The following CYP3A7 variants were observed in gnomAD, a reference collection of about 807,000 sequenced individuals.
CYP3A7 encodes the protein cytochrome P450 family 3 subfamily A member 7, also known as cytochrome P450 3A7.
A neutral mutation model predicts 55.2 loss-of-function variants in CYP3A7; 45 were observed. The observed-to-expected ratio is 0.82, with a 90% confidence interval of 0.64 to 1.05. CYP3A7 has a LOEUF of 1.05. Among genes scored for constraint, CYP3A7 ranks in the 50% least tolerant of loss-of-function variants. The pLI, the probability that CYP3A7 is intolerant of heterozygous loss-of-function variation, is 0.00. For missense variants in CYP3A7, 548 were observed against 605.3 expected (o/e 0.91, Z 0.99); for synonymous variants, 180 against 207.4 (o/e 0.87, Z 1.13).
intron 3 of CYP3A7, among the ~76,000 whole-genome samples, chr7:99,721,715 A>T (rs1814204473): frequency 6.6e-6 from 1 of 151,964 alleles, no homozygotes; most frequent in Admixed American, 6.6e-5. Flanking sequence ...AGCGAGTGTG[A>T]ACATTGTGAG....
intron 2 of CYP3A7, among the ~76,000 whole-genome samples, chr7:99,723,194 C>T (rs757622600): frequency 1.3e-5 from 2 of 152,128 alleles, no homozygotes; most frequent in Non-Finnish European, 2.9e-5. Context: ...TCCAGATGGC[C>T]TGAGGCAACC....
intron 9 of CYP3A7, among the ~76,000 whole-genome samples, chr7:99,712,316 T>A (rs957716054): frequency 1.3e-5 from 2 of 152,212 alleles, no homozygotes; most frequent in Non-Finnish European, 2.9e-5. Context: ...TATCTAATAA[T>A]TGTATTCTGT....
rs557055106 is a variant in CYP3A7 at position 99,726,936 on chromosome 7, C to G, written c.165+4123G>C. On this transcript the variant is annotated intron_variant, in intron 2 of 12. Transcript: ENST00000336374. ...CTGGCTGATCTCTGAAACCCCAACC[C>G]CTTCTACAAAACAACTCCTTTCCTT... Among the ~76,000 whole-genome samples, 3 of 152,328 alleles carry G rather than the reference C, an allele frequency of 2.0e-5. No homozygotes were observed. The East Asian group carries it at 5.8e-4, about 29-fold the overall frequency.
chr7:99,733,790 A>T (rs913475732), intron 1 of CYP3A7, among the ~76,000 whole-genome samples: 1 of 152,248 alleles, frequency 6.6e-6, no homozygotes, highest in Admixed American at 6.5e-5. Flanking sequence ...TTTTGCTATC[A>T]TCACTGGCTC....
At chr7:99,717,776 AT>A in intron 4 of CYP3A7, 137 bp from the exon 5 acceptor site, 1 of 1,135,658 alleles carries the variant, frequency 8.8e-7, no homozygotes, top group Non-Finnish European at 1.3e-6. Flanking sequence ...CCTATGACAG[AT>A]GCTCAATAGG....
At chr7:99,722,407 C>A (rs1814240767) in intron 2 of CYP3A7, 59 bp from the exon 3 acceptor site, 1 of 1,593,114 alleles carries the variant, frequency 6.3e-7, no homozygotes, top group Non-Finnish European at 8.6e-7. Context: ...AACCCTGCCT[C>A]TAATTGGGGT....
In CYP3A7 at chr7:99,734,995, GAGAAGAGGAGCC is replaced by G. The variant is rs1448848683; in HGVS notation, c.71+16_71+27del. The G allele has an allele frequency of 6.2e-7, 1 of 1,613,788 alleles. No homozygotes were observed. The highest frequency in any genetic ancestry group is 8.5e-7 in the Non-Finnish European group (1 of 1,179,898). ...TTAGCACCCCAAGTCCAAGGAAACA[GAGAAGAGGAGCC>G]TGAACAGTTACTCACAGATAGAGGA... On this transcript the variant is annotated intron_variant, in intron 1 of 12. Coordinates refer to ENST00000336374, the MANE Select transcript of CYP3A7 (RefSeq NM_000765.5).
chr7:99,732,555 C>A (rs1814668821), intron 1 of CYP3A7, among the ~76,000 whole-genome samples: 1 of 152,148 alleles, frequency 6.6e-6, no homozygotes. Flanking sequence ...CTGCTTGCAA[C>A]CCATCTTTGA....
chr7:99,724,561 C>A (rs1216223116), intron 2 of CYP3A7, among the ~76,000 whole-genome samples: 1 of 151,962 alleles, frequency 6.6e-6, no homozygotes, highest in African/African-American at 2.4e-5. Flanking sequence ...CTCTCCCCTC[C>A]CCACCAGGCT....
chr7:99,720,016 CAAACAA>C (rs375499400), intron 4 of CYP3A7, among the ~76,000 whole-genome samples: 21 of 152,144 alleles, frequency 1.4e-4, no homozygotes, highest in African/African-American at 5.1e-4. Context: ...CAACAAACAA[CAAACAA>C]AAACAAAAAC....
At chr7:99,714,503 CT>C in intron 8 of CYP3A7, 51 bp downstream of exon 8, 1 of 1,605,058 alleles carries the variant, frequency 6.2e-7, no homozygotes, top group Admixed American at 1.7e-5. Flanking sequence ...ATGTATATTT[CT>C]AAAAAATTAT....
chr7:99,712,771 G>A (rs535867635), intron 9 of CYP3A7, among the ~76,000 whole-genome samples: 1 of 152,268 alleles, frequency 6.6e-6, no homozygotes, highest in African/African-American at 2.4e-5. Context: ...GGAATTTTGT[G>A]ACATGATTGC....
chr7:99,709,364 T>G, intron 10 of CYP3A7, 103 bp from the exon 11 acceptor site: 1 of 1,497,646 alleles, frequency 6.7e-7, no homozygotes, highest in Non-Finnish European at 9.1e-7. Flanking sequence ...AGAGAACAAC[T>G]CATACTGGCA....
At position 99,709,024 on chromosome 7, in the gene CYP3A7, G is replaced by C. The variant is rs1275601055; in HGVS notation, c.1253+11C>G. ...GGTTCAGGGAGGGCTCCCTTCCCAG[G>C]GGCCTCCTACCTTTCAGGGAGGAAC... is the stretch of plus-strand genomic sequence containing the variant. On this transcript the variant is annotated intron_variant, in intron 11 of 12. Transcript: ENST00000336374. 6.2e-7 allele frequency: 1 copy of C among 1,613,710 alleles called. No homozygotes were observed. Among genetic ancestry groups the C allele is most frequent in the African/African-American group, 1.3e-5 (1 of 74,876 alleles).
intron 8 of CYP3A7, 65 bp downstream of exon 8, chr7:99,714,490 C>T: frequency 3.8e-6 from 6 of 1,598,562 alleles, no homozygotes; most frequent in Non-Finnish European, 5.1e-6. Flanking sequence ...GTGCACCGAT[C>T]ATATGTATAT....
At chr7:99,733,790 A>G (rs913475732) in intron 1 of CYP3A7, among the ~76,000 whole-genome samples, 3 of 152,248 alleles carry the variant, frequency 2.0e-5, no homozygotes, top group Non-Finnish European at 4.4e-5. Flanking sequence ...TTTTGCTATC[A>G]TCACTGGCTC....
At chr7:99,715,544 C>T (rs1018974506) in intron 7 of CYP3A7, 2 of 775,322 alleles carry the variant, frequency 2.6e-6, no homozygotes, top group African/African-American at 1.8e-5. Flanking sequence ...AACAGGATTT[C>T]TGGCAGGGGG....
At position 99,710,828 on chromosome 7, in the gene CYP3A7, C is replaced by T. The variant is rs749464476; in HGVS notation, c.930G>A (p.Thr310=). The change falls in exon 10 of 13, where the codon ACG becomes ACA. Residue 310 remains threonine (T), a synonymous_variant. Coordinates refer to ENST00000336374, the MANE Select transcript of CYP3A7 (RefSeq NM_000765.5). The part of the protein sequence containing the change: ...IIFIFAGYET[T]SSVLSFIIYE... ...ATATAATGAAGGAGAGAACACTGCT[C>T]GTGGTTTCATAGCCAGCAAAAATAA... 38 of 1,613,654 alleles carry T rather than the reference C, an allele frequency of 2.4e-5. No homozygotes were observed. Among genetic ancestry groups the T allele is most frequent in the Non-Finnish European group, 2.9e-5 (34 of 1,179,856 alleles).
intron 8 of CYP3A7, 105 bp from the exon 9 acceptor site, chr7:99,713,640 G>T: frequency 1.3e-6 from 2 of 1,503,658 alleles, no homozygotes; most frequent in South Asian, 1.1e-5. Context: ...TAGCCCCTTG[G>T]AGACCAGAAA....
Sources: gnomAD v4.1 joint callset for allele counts (sites outside exome capture counted in the v4.1 genomes callset) on GRCh38, gnomAD v4.1.1 for gene constraint, MANE v1.5 for transcripts, NCBI Gene and HGNC (gene_info 2026-07-23, HGNC 2026-07-21) for gene names.